The following CDH18 variants were observed in gnomAD, a reference collection of about 807,000 sequenced individuals.
The protein encoded by CDH18 is cadherin 18.
Under a neutral mutation model 67.9 loss-of-function variants are expected in CDH18, and 31 were observed. The observed-to-expected ratio is 0.46, with a 90% CI of 0.34 to 0.62. The LOEUF (loss-of-function observed/expected upper bound fraction) is 0.62, where lower values mean the gene tolerates loss of function less well. Among genes scored for constraint, CDH18 ranks in the 20% least tolerant of loss-of-function variants. The pLI is 0.01. For synonymous variants in CDH18, 362 were observed against 347.2 expected (o/e 1.04, Z -0.48); for missense variants, 890 against 975.5 (o/e 0.91, Z 1.17).
chr5:19,879,493 G>C (rs541288311), intron 2 of CDH18, among the ~76,000 whole-genome samples: 2 of 151,888 alleles, frequency 1.3e-5, no homozygotes, highest in African/African-American at 2.4e-5. Flanking sequence ...ATGATATTGG[G>C]TAAGTTTATT....
chr5:19,689,628 A>G (rs1382975802), intron 5 of CDH18, among the ~76,000 whole-genome samples: 1 of 151,934 alleles, frequency 6.6e-6, no homozygotes, highest in Admixed American at 6.6e-5. Context: ...ACAAATGAGG[A>G]AGAGAAAGAA....
chr5:19,503,928 A>G (rs890066230), intron 10 of CDH18, among the ~76,000 whole-genome samples: 2 of 151,938 alleles, frequency 1.3e-5, no homozygotes, highest in Admixed American at 6.6e-5. Flanking sequence ...CTTTCCTTAG[A>G]AAAACGAGAA....
At chr5:19,952,303 C>A (rs1343725982) in intron 2 of CDH18, among the ~76,000 whole-genome samples, 1 of 152,122 alleles carries the variant, frequency 6.6e-6, no homozygotes, top group Non-Finnish European at 1.5e-5. Context: ...CTGGCTTCGG[C>A]CTCCCAAAGT....
chr5:19,821,064 C>T (rs917856229), intron 3 of CDH18, among the ~76,000 whole-genome samples: 6 of 152,220 alleles, frequency 3.9e-5, no homozygotes, highest in South Asian at 2.1e-4. Flanking sequence ...CTCTTACCTA[C>T]GAAGACTACA....
intron 1 of CDH18, among the ~76,000 whole-genome samples, chr5:20,541,254 G>A (rs1245580354): frequency 6.6e-6 from 1 of 152,074 alleles, no homozygotes; most frequent in African/African-American, 2.4e-5. Context: ...TCTTAAAAAT[G>A]TCTCTGCCTA....
At chr5:20,339,702 A>T (rs1018436377) in intron 1 of CDH18, among the ~76,000 whole-genome samples, 2 of 152,188 alleles carry the variant, frequency 1.3e-5, no homozygotes, top group Non-Finnish European at 2.9e-5. Flanking sequence ...ATATGGTCCC[A>T]TTAAGGTACA....
intron 2 of CDH18, among the ~76,000 whole-genome samples, chr5:20,136,985 TG>T (rs1380733552): frequency 6.6e-6 from 1 of 152,202 alleles, no homozygotes; most frequent in Non-Finnish European, 1.5e-5. Context: ...CTTCCCTTTG[TG>T]GGTAACCCAA....
At chr5:20,185,878 G>A (rs115724429) in intron 2 of CDH18, among the ~76,000 whole-genome samples, 5,246 of 149,140 alleles carry the variant, frequency 0.035, 311 homozygotes, top group African/African-American at 0.12. Flanking sequence ...TTTTTTTCCC[G>A]TGTGATGCAT....
At chr5:19,896,487 A>G (rs1789351822) in intron 2 of CDH18, among the ~76,000 whole-genome samples, 1 of 152,196 alleles carries the variant, frequency 6.6e-6, no homozygotes, top group African/African-American at 2.4e-5. Context: ...CTGTGTGATC[A>G]CAGAGGAAGA....
At chr5:19,487,323 T>C (rs999644545) in intron 11 of CDH18, among the ~76,000 whole-genome samples, 4 of 152,182 alleles carry the variant, frequency 2.6e-5, no homozygotes, top group Admixed American at 2.0e-4. Context: ...GAGCATTCAA[T>C]AAAGATAAGA....
At chr5:19,652,829 C>T (rs748553504) in intron 5 of CDH18, among the ~76,000 whole-genome samples, 2 of 151,886 alleles carry the variant, frequency 1.3e-5, no homozygotes, top group South Asian at 2.1e-4. Flanking sequence ...CAAACTATGC[C>T]TATAATTAAG....
At chr5:19,867,793 A>G (rs1162262184) in intron 2 of CDH18, among the ~76,000 whole-genome samples, 1 of 152,184 alleles carries the variant, frequency 6.6e-6, no homozygotes, top group Non-Finnish European at 1.5e-5. Context: ...TAATTATGTG[A>G]CCTATTGATA....
At chr5:19,937,118 T>C (rs1794362562) in intron 2 of CDH18, among the ~76,000 whole-genome samples, 1 of 151,390 alleles carries the variant, frequency 6.6e-6, no homozygotes, top group South Asian at 2.1e-4. Flanking sequence ...TATAGACATT[T>C]GGAAAATTAT....
intron 2 of CDH18, among the ~76,000 whole-genome samples, chr5:20,113,415 T>C (rs953817690): frequency 6.6e-6 from 1 of 152,200 alleles, no homozygotes; most frequent in Non-Finnish European, 1.5e-5. Flanking sequence ...ATTCAATACA[T>C]GCATTTTTTG....
At chr5:19,569,549 A>C (rs1212794755) in intron 8 of CDH18, among the ~76,000 whole-genome samples, 1 of 152,078 alleles carries the variant, frequency 6.6e-6, no homozygotes, top group African/African-American at 2.4e-5. Flanking sequence ...CCTGGAGTTC[A>C]AGATGCTGTG....
intron 2 of CDH18, among the ~76,000 whole-genome samples, chr5:20,031,538 C>T (rs988968741): frequency 1.3e-5 from 2 of 151,974 alleles, no homozygotes; most frequent in Non-Finnish European, 1.5e-5. Flanking sequence ...ACCCCTGCTG[C>T]TCTCTGTGCT....
intron 1 of CDH18, among the ~76,000 whole-genome samples, chr5:20,572,057 C>T (rs1028993984): frequency 6.6e-5 from 10 of 152,052 alleles, no homozygotes; most frequent in Non-Finnish European, 1.5e-4. Context: ...GGGAAATACC[C>T]TTTCTTCCCG....
intron 1 of CDH18, among the ~76,000 whole-genome samples, chr5:20,481,570 G>C (rs1398326717): frequency 1.3e-5 from 2 of 151,796 alleles, no homozygotes; most frequent in Admixed American, 6.6e-5. Flanking sequence ...TTAGGTAACA[G>C]TTTTCAAAAA....
intron 2 of CDH18, among the ~76,000 whole-genome samples, chr5:20,014,841 T>G (rs945569576): frequency 6.6e-6 from 1 of 152,100 alleles, no homozygotes; most frequent in Admixed American, 6.6e-5. Context: ...GGAAAATATT[T>G]ATCATAGTGA....
Sources: gnomAD v4.1 joint callset for allele counts (sites outside exome capture counted in the v4.1 genomes callset) on GRCh38, gnomAD v4.1.1 for gene constraint, MANE v1.5 for transcripts, NCBI Gene and HGNC (gene_info 2026-07-23, HGNC 2026-07-21) for gene names.